Variants in WIF1 observed in about 807,000 individuals in gnomAD.
WIF1 encodes the protein Wnt inhibitory factor 1.
WIF1 carries 35 observed loss-of-function variants against 53.5 expected under a neutral mutation model. The observed-to-expected ratio is 0.65, with a 90% CI of 0.50 to 0.87. The LOEUF is 0.87. Ranked by LOEUF, WIF1 falls within the 40% of genes least tolerant of loss-of-function variation. The pLI is 0.00. For synonymous variants in WIF1, 171 were observed against 170.4 expected (o/e 1.00, Z -0.03); for missense variants, 467 against 476.8 (o/e 0.98, Z 0.19).
chr12:65,088,144 A>T (rs1883067620), intron 2 of WIF1, among the ~76,000 whole-genome samples: 1 of 152,170 alleles, frequency 6.6e-6, no homozygotes, highest in Non-Finnish European at 1.5e-5. Context: ...AACTAAATCT[A>T]TATGGCCAAC....
At chr12:65,101,022 T>A (rs1883274673) in intron 2 of WIF1, among the ~76,000 whole-genome samples, 1 of 152,196 alleles carries the variant, frequency 6.6e-6, no homozygotes, top group African/African-American at 2.4e-5. Flanking sequence ...ATATGAATGC[T>A]CTTTTCCCAT....
At chr12:65,061,705 C>T (rs1452275580) in intron 7 of WIF1, among the ~76,000 whole-genome samples, 2 of 152,208 alleles carry the variant, frequency 1.3e-5, no homozygotes, top group East Asian at 3.8e-4. Flanking sequence ...GTATGACAAA[C>T]ATATAGTAAA....
chr12:65,079,164 C>CAAAAAA (rs1226121849), intron 2 of WIF1, among the ~76,000 whole-genome samples: 57 of 80,064 alleles, frequency 7.1e-4, no homozygotes, highest in East Asian at 1.6e-3. Context: ...GACTCCATCT[C>CAAAAAA]AAAAAAAAAA....
chr12:65,068,929 G>A, intron 3 of WIF1, 25 bp from the exon 4 acceptor site: 1 of 1,608,508 alleles, frequency 6.2e-7, no homozygotes, highest in Non-Finnish European at 8.5e-7. Context: ...GAGAAAGTGT[G>A]GAGAAATAGT....
chr12:65,086,396 G>A (rs944545371), intron 2 of WIF1, among the ~76,000 whole-genome samples: 1 of 152,116 alleles, frequency 6.6e-6, no homozygotes, highest in African/African-American at 2.4e-5. Context: ...GGCATGGGGA[G>A]GAAGGAAGCA....
intron 2 of WIF1, among the ~76,000 whole-genome samples, chr12:65,079,263 G>T (rs1446789708): frequency 6.6e-6 from 1 of 150,678 alleles, no homozygotes; most frequent in Non-Finnish European, 1.5e-5. Flanking sequence ...TAAATTCAAT[G>T]ACTTTGATAA....
At chr12:65,062,415 T>A (rs1412250859) in intron 7 of WIF1, 66 bp downstream of exon 7, 2 of 1,343,404 alleles carry the variant, frequency 1.5e-6, no homozygotes, top group African/African-American at 2.9e-5. Flanking sequence ...CTTGATAAAA[T>A]GAAGGGGTTA....
At chr12:65,120,724 A>G (rs1288958984) in intron 1 of WIF1, 168 bp from the exon 2 acceptor site, 1 of 875,856 alleles carries the variant, frequency 1.1e-6, no homozygotes, top group Non-Finnish European at 1.7e-6. Flanking sequence ...TCTGTGGATG[A>G]TGAGAATGAT....
In WIF1 at chr12:65,073,298, T is replaced by A. The variant is rs1882810825; in HGVS notation, c.398-4394A>T. Among the ~76,000 whole-genome samples the A allele has an allele frequency of 3.3e-5, 5 of 152,318 alleles. No individual in the cohort carries two copies. In the South Asian group the frequency reaches 1.0e-3, roughly 32 times the overall value. On this transcript the variant is annotated intron_variant, in intron 3 of 9. Transcript: ENST00000286574. Reference sequence around the variant, plus strand: ...CTTCACATTCTGCTAAGAACTGAGGTCACCTATAAGAAGATGGTCTCTCCA... The same window carrying A: ...CTTCACATTCTGCTAAGAACTGAGGACACCTATAAGAAGATGGTCTCTCCA...
intron 2 of WIF1, among the ~76,000 whole-genome samples, chr12:65,105,775 A>C (rs1565759844): frequency 1.3e-5 from 2 of 152,092 alleles, no homozygotes. Context: ...AACACCTCCC[A>C]CTGGGCCCCA....
intron 3 of WIF1, among the ~76,000 whole-genome samples, chr12:65,071,170 G>T (rs917673649): frequency 6.8e-6 from 1 of 147,720 alleles, no homozygotes; most frequent in Admixed American, 6.8e-5. Flanking sequence ...GAAGACAGAG[G>T]TTGCAGTGAG....
chr12:65,059,889 T>G (rs1882585104), intron 7 of WIF1, among the ~76,000 whole-genome samples: 1 of 152,114 alleles, frequency 6.6e-6, no homozygotes, highest in South Asian at 2.1e-4. Context: ...TGACCTCAGG[T>G]GATCCGCCTG....
chr12:65,109,155 T>C (rs1356749627), intron 2 of WIF1, among the ~76,000 whole-genome samples: 1 of 152,192 alleles, frequency 6.6e-6, no homozygotes, highest in Non-Finnish European at 1.5e-5. Flanking sequence ...TCCCTATGGG[T>C]TATTCGTTAT....
intron 2 of WIF1, among the ~76,000 whole-genome samples, chr12:65,087,650 C>T (rs1183428858): frequency 6.6e-6 from 1 of 151,840 alleles, no homozygotes; most frequent in Non-Finnish European, 1.5e-5. Context: ...AAAACACAGA[C>T]TTTCCCCCTT....
chr12:65,059,361 T>G (rs1483193185), intron 7 of WIF1, among the ~76,000 whole-genome samples: 4 of 152,228 alleles, frequency 2.6e-5, no homozygotes, highest in Non-Finnish European at 1.5e-5. Flanking sequence ...TCCAATATTC[T>G]AAATTTTTTT....
At chr12:65,070,255 C>T (rs762687448) in intron 3 of WIF1, among the ~76,000 whole-genome samples, 2 of 152,102 alleles carry the variant, frequency 1.3e-5, no homozygotes, top group Non-Finnish European at 2.9e-5. Flanking sequence ...CCATTTCTAG[C>T]TCCCCTGAAA....
intron 9 of WIF1, chr12:65,054,119 C>G (rs1226857554): frequency 1.4e-5 from 2 of 145,466 alleles, no homozygotes; most frequent in Admixed American, 1.4e-4. Flanking sequence ...CTATGTTGCC[C>G]AGGCTGATCT....
In WIF1 at chr12:65,051,443, A is replaced by T. The variant is rs2136604848; in HGVS notation, c.1046T>A (p.Leu349Gln). 6.2e-7 allele frequency: 1 copy of T among 1,612,754 alleles called. No homozygotes were observed. The highest frequency in any genetic ancestry group is 8.5e-7 in the Non-Finnish European group (1 of 1,179,494). The change falls in exon 10 of 10, where the codon CTG (leucine) becomes CAG (glutamine). Residue 349 changes from leucine (L) to glutamine (Q), a missense_variant. Transcript: ENST00000286574. ...CCTGAGCTGGGCGCCTGCTGGCCTC[A>T]GGGCATGTATGAGGCTGGCTTCGTA... Reference protein sequence around the residue: ...KRYEASLIHALRPAGAQLRQH... With the variant: ...KRYEASLIHAQRPAGAQLRQH...
intron 7 of WIF1, among the ~76,000 whole-genome samples, chr12:65,061,557 G>C (rs1882612518): frequency 6.6e-6 from 1 of 152,226 alleles, no homozygotes; most frequent in Non-Finnish European, 1.5e-5. Context: ...GAGTTAAAGA[G>C]AGAGGCTACA....
Sources: allele counts gnomAD v4.1 joint callset (sites outside exome capture counted in the v4.1 genomes callset), GRCh38; gene constraint gnomAD v4.1.1; transcripts MANE v1.5; gene names NCBI Gene and HGNC (gene_info 2026-07-23, HGNC 2026-07-21).